Variants in SLC4A4 observed in about 807,000 individuals in gnomAD.
The protein encoded by SLC4A4 is electrogenic sodium bicarbonate cotransporter 1.
Under a neutral mutation model 111.5 loss-of-function variants are expected in SLC4A4, and 27 were observed. That is an observed-to-expected ratio of 0.24 (90% confidence interval 0.18 to 0.33). The LOEUF (loss-of-function observed/expected upper bound fraction) is 0.33, where lower values mean the gene tolerates loss of function less well. Among genes scored for constraint, SLC4A4 ranks in the 10% least tolerant of loss-of-function variants. The probability of loss-of-function intolerance (pLI) is 1.00; values close to 1 mark genes in which losing one functional copy is unlikely to be tolerated. For missense variants in SLC4A4, 909 were observed against 1,315.5 expected (o/e 0.69, Z 4.78); for synonymous variants, 443 against 463.4 (o/e 0.96, Z 0.57).
At chr4:71,237,491 A>G (rs1489879933) in intron 2 of SLC4A4, among the ~76,000 whole-genome samples, 1 of 152,216 alleles carries the variant, frequency 6.6e-6, no homozygotes, top group Non-Finnish European at 1.5e-5. Context: ...TCCACCATTT[A>G]AAGTCACCTG....
At chr4:71,301,073 C>A in intron 3 of SLC4A4, 1 of 394,124 alleles carries the variant, frequency 2.5e-6, no homozygotes, top group South Asian at 2.1e-5. Flanking sequence ...AACTCAGCTC[C>A]ACAGCTGAGG....
intron 7 of SLC4A4, among the ~76,000 whole-genome samples, chr4:71,438,331 C>G (rs1468482417): frequency 6.6e-6 from 1 of 152,206 alleles, no homozygotes; most frequent in Non-Finnish European, 1.5e-5. Flanking sequence ...CTCCACTCCA[C>G]ACTTGGACTT....
chr4:71,476,969 T>C (rs762085742), intron 14 of SLC4A4, among the ~76,000 whole-genome samples: 48 of 151,720 alleles, frequency 3.2e-4, no homozygotes, highest in Non-Finnish European at 5.6e-4. Flanking sequence ...GCAGAGTGTG[T>C]AAGAAAAACG....
At chr4:71,304,973 C>T (rs1369529954) in intron 3 of SLC4A4, among the ~76,000 whole-genome samples, 1 of 152,158 alleles carries the variant, frequency 6.6e-6, no homozygotes, top group East Asian at 1.9e-4. Context: ...TTATCTAAAT[C>T]AATTGTTAAC....
intron 7 of SLC4A4, among the ~76,000 whole-genome samples, chr4:71,436,011 G>A (rs1369225260): frequency 6.6e-6 from 1 of 152,116 alleles, no homozygotes; most frequent in Non-Finnish European, 1.5e-5. Context: ...GATCCCTCAA[G>A]GATCTTGAAC....
chr4:71,332,757 C>G (rs1728118871), intron 3 of SLC4A4, among the ~76,000 whole-genome samples: 2 of 152,192 alleles, frequency 1.3e-5, no homozygotes. Context: ...AATAGCCTGT[C>G]TGCGAGCTCA....
At chr4:71,139,233 T>C (rs1416257563) in intron 2 of SLC4A4, among the ~76,000 whole-genome samples, 2 of 149,444 alleles carry the variant, frequency 1.3e-5, no homozygotes, top group Non-Finnish European at 3.0e-5. Flanking sequence ...CTGGCAGCAC[T>C]GGACCTCACT....
intron 2 of SLC4A4, among the ~76,000 whole-genome samples, chr4:71,149,438 G>T (rs1031990505): frequency 3.3e-5 from 5 of 152,130 alleles, no homozygotes; most frequent in African/African-American, 1.2e-4. Context: ...TCAAGGAGCA[G>T]GAAGTCATAA....
intron 7 of SLC4A4, among the ~76,000 whole-genome samples, chr4:71,427,550 G>A (rs1384584026): frequency 6.6e-6 from 1 of 151,912 alleles, no homozygotes; most frequent in African/African-American, 2.4e-5. Flanking sequence ...TCTAATTTCT[G>A]TTTTTACCCC....
intron 1 of SLC4A4, among the ~76,000 whole-genome samples, chr4:71,191,238 G>T (rs964259824): frequency 5.3e-5 from 8 of 152,300 alleles, no homozygotes; most frequent in African/African-American, 1.9e-4. Flanking sequence ...ATAACCCACC[G>T]TACATTTAGG....
At chr4:71,251,669 A>G (rs1189058584) in intron 2 of SLC4A4, among the ~76,000 whole-genome samples, 1 of 152,236 alleles carries the variant, frequency 6.6e-6, no homozygotes, top group Non-Finnish European at 1.5e-5. Context: ...TGTCAAATGT[A>G]GATTCCAGTA....
chr4:71,284,895 C>T (rs934767029), intron 3 of SLC4A4, among the ~76,000 whole-genome samples: 3 of 152,172 alleles, frequency 2.0e-5, no homozygotes, highest in Non-Finnish European at 2.9e-5. Flanking sequence ...TGGGTAACTA[C>T]GTGCCCACCT....
At chr4:71,203,988 C>A (rs1481807665) in intron 1 of SLC4A4, among the ~76,000 whole-genome samples, 1 of 152,064 alleles carries the variant, frequency 6.6e-6, no homozygotes, top group Non-Finnish European at 1.5e-5. Context: ...ACTGTAAATT[C>A]CAGAAAAGCC....
chr4:71,534,126 G>A, intron 17 of SLC4A4, 101 bp from the exon 18 acceptor site: 1 of 922,412 alleles, frequency 1.1e-6, no homozygotes, highest in South Asian at 1.4e-5. Context: ...TCAATATGTT[G>A]GTTATCCAAA....
At position 71,487,001 on chromosome 4, in the gene SLC4A4, A is replaced by G; in HGVS notation, c.1957A>G (p.Met653Val). The G allele has an allele frequency of 6.3e-7, 1 of 1,597,000 alleles. No individual in the cohort carries two copies. The highest frequency in any genetic ancestry group is 8.6e-7 in the Non-Finnish European group (1 of 1,166,138). ...ACTGGCCCCAGAGTATTTGCCAACT[A>G]TGTCTTCTACTGACATGGTAAGTGA... is the stretch of plus-strand genomic sequence containing the variant. ...TTLAPEYLPT[M>V]SSTDMYHNTT... The change falls in exon 15 of 26, where the codon ATG becomes GTG. Residue 653 changes from methionine to valine, a missense_variant. By Grantham distance (21) the Met-to-Val change is conservative. Around this residue, in one of 7 missense-constraint regions of SLC4A4, gnomAD observed 264 missense variants for 356.8 expected, o/e 0.74. Coordinates refer to ENST00000264485, the MANE Select transcript of SLC4A4 (RefSeq NM_001098484.3).
At chr4:71,382,288 GT>G (rs1412960384) in intron 6 of SLC4A4, among the ~76,000 whole-genome samples, 1 of 152,118 alleles carries the variant, frequency 6.6e-6, no homozygotes, top group Non-Finnish European at 1.5e-5. Context: ...AGGAAGCAGG[GT>G]TTTTTCTTCA....
chr4:71,547,743 T>A (rs1481789858), intron 20 of SLC4A4, 23 bp downstream of exon 20: 8 of 1,571,172 alleles, frequency 5.1e-6, no homozygotes, highest in Non-Finnish European at 7.0e-6. Flanking sequence ...AACATTCACC[T>A]CTTCCTTCTC....
At chr4:71,406,645 C>CTTT (rs58765854) in intron 7 of SLC4A4, among the ~76,000 whole-genome samples, 19,792 of 140,110 alleles carry the variant, frequency 0.14, 1,692 homozygotes, top group South Asian at 0.29. Flanking sequence ...AACAATGATT[C>CTTT]TTTTTTTTTT....
chr4:71,496,481 G>A (rs1355865714), intron 15 of SLC4A4, among the ~76,000 whole-genome samples: 1 of 152,042 alleles, frequency 6.6e-6, no homozygotes, highest in African/African-American at 2.4e-5. Context: ...CTCTCACCTG[G>A]AGACGAAGAG....
Sources: allele counts gnomAD v4.1 joint callset (sites outside exome capture counted in the v4.1 genomes callset), GRCh38; gene constraint gnomAD v4.1.1; regional missense constraint gnomAD v4.1.1; transcripts MANE v1.5; gene names NCBI Gene and HGNC (gene_info 2026-07-23, HGNC 2026-07-21).